NCR1: variants seen among roughly 807,000 people sequenced by gnomAD.
The protein encoded by NCR1 is natural cytotoxicity triggering receptor 1, also known as NK cell-activating receptor.
NCR1 carries 30 observed loss-of-function variants against 32.5 expected under a neutral mutation model. That is an observed-to-expected ratio of 0.92 (90% CI 0.69 to 1.25). The LOEUF is 1.25. Among genes scored for constraint, NCR1 ranks in the 50% most tolerant of loss-of-function variants. The pLI is 0.00. For missense variants in NCR1, 369 were observed against 380.7 expected, an observed-to-expected ratio of 0.97 and a Z score of 0.26; for synonymous variants, 169 against 143.4, an observed-to-expected ratio of 1.18 and a Z score of -1.28.
At chr19:54,930,370 G>A in the NCR1 span, 1 of 695,434 alleles carries the variant, frequency 1.4e-6, no homozygotes, top group East Asian at 2.7e-5. Flanking sequence ...GCTGAGGTGG[G>A]AGAACCGATC....
At chr19:54,904,531 C>CTTTTCTTTTTTTTTTTTTTTTTTT (rs1221694096), upstream of NCR1, among the ~76,000 whole-genome samples, 21 of 118,956 alleles carry the variant, frequency 1.8e-4, 1 homozygote, top group East Asian at 4.9e-4. Context: ...GTTTTCTTTT[C>CTTTTCTTTTTTTTTTTTTTTTTTT]TTTTTTTTTT....
the NCR1 span, among the ~76,000 whole-genome samples, chr19:54,929,242 G>A: frequency 5.3e-5 from 8 of 151,994 alleles, no homozygotes; most frequent in Non-Finnish European, 1.2e-4. Context: ...GGTGGTGCAC[G>A]CCTGTAATCC....
At chr19:54,922,382 CTG>C in the NCR1 span, among the ~76,000 whole-genome samples, 65 of 152,226 alleles carry the variant, frequency 4.3e-4, no homozygotes, top group African/African-American at 1.5e-3. Flanking sequence ...TGTGGAAAAG[CTG>C]TGTTTGCCAT....
the NCR1 span, among the ~76,000 whole-genome samples, chr19:54,922,584 C>T: frequency 6.6e-6 from 1 of 151,786 alleles, no homozygotes; most frequent in Non-Finnish European, 1.5e-5. Context: ...CCGAGAACAG[C>T]CTGGCCAACA....
chr19:54,908,604 C>T (rs1354810368), intron 3 of NCR1, among the ~76,000 whole-genome samples: 1 of 151,464 alleles, frequency 6.6e-6, no homozygotes, highest in Non-Finnish European at 1.5e-5. Context: ...GGGGCAGTGG[C>T]CGGGCGGGGG....
chr19:54,910,123 A>G (rs2146073192), intron 5 of NCR1, 58 bp downstream of exon 5: 1 of 1,520,060 alleles, frequency 6.6e-7, no homozygotes, highest in East Asian at 2.3e-5. Context: ...AGTGACACTA[A>G]AAACGTGGCA....
At chr19:54,926,205 GGTGTGTGTGTGTGT>G in the NCR1 span, among the ~76,000 whole-genome samples, 1 of 143,642 alleles carries the variant, frequency 7.0e-6, no homozygotes, top group Non-Finnish European at 1.5e-5. Flanking sequence ...AATGATTAGG[GGTGTGTGTGTGTGT>G]GTGTGTGTGC....
chr19:54,926,227 T>TGTGTGTGC, the NCR1 span, among the ~76,000 whole-genome samples: 151 of 150,822 alleles, frequency 1.0e-3, no homozygotes, highest in East Asian at 5.6e-3. Context: ...TGTGTGTGTG[T>TGTGTGTGC]GCTCATGCAC....
At chr19:54,931,030 C>A in the NCR1 span, among the ~76,000 whole-genome samples, 92,836 of 151,774 alleles carry the variant, frequency 0.61, 28,904 homozygotes, top group East Asian at 0.83. Context: ...CTCAAGAAAA[C>A]AACAACAACA....
At chr19:54,927,378 T>C in the NCR1 span, among the ~76,000 whole-genome samples, 1 of 104,214 alleles carries the variant, frequency 9.6e-6, no homozygotes, top group Non-Finnish European at 2.0e-5. Flanking sequence ...CAAAACTCCG[T>C]CTCAAAAAAA....
the NCR1 span, among the ~76,000 whole-genome samples, chr19:54,899,473 C>A: frequency 1.3e-5 from 2 of 151,464 alleles, no homozygotes; most frequent in Non-Finnish European, 2.9e-5. Context: ...TCCAGAAAAG[C>A]GGGAAAGGGG....
downstream of NCR1, among the ~76,000 whole-genome samples, chr19:54,919,778 CT>C (rs1446076590): frequency 1.4e-5 from 2 of 147,006 alleles, no homozygotes; most frequent in Non-Finnish European, 3.0e-5. Flanking sequence ...TAATTGACAC[CT>C]TTTGCTACCG....
At chr19:54,912,245 T>A in intron 6 of NCR1, 27 bp downstream of exon 6, 1 of 1,609,098 alleles carries the variant, frequency 6.2e-7, no homozygotes, top group Non-Finnish European at 8.5e-7. Flanking sequence ...GGCCATAGGC[T>A]CTGAAGGAAG....
chr19:54,909,880 A>G (rs1196968754), intron 4 of NCR1, 138 bp from the exon 5 acceptor site: 20 of 728,826 alleles, frequency 2.7e-5, no homozygotes, highest in South Asian at 1.5e-4. Flanking sequence ...GGTTGTAGTG[A>G]ACCGAGATCA....
At chr19:54,911,469 G>C (rs771256476) in intron 5 of NCR1, among the ~76,000 whole-genome samples, 1 of 151,856 alleles carries the variant, frequency 6.6e-6, no homozygotes, top group Non-Finnish European at 1.5e-5. Flanking sequence ...AATAGAAGAC[G>C]GGCTGGGCCG....
intron 6 of NCR1, 35 bp downstream of exon 6, chr19:54,912,253 A>C: frequency 1.2e-6 from 2 of 1,601,428 alleles, no homozygotes; most frequent in South Asian, 2.2e-5. Context: ...GCTCTGAAGG[A>C]AGGGGCTGGG....
chr19:54,909,299 G>A lies in NCR1; in HGVS notation c.410G>A (p.Gly137Glu). 6.2e-7 allele frequency: 1 copy of A among 1,614,120 alleles called. No homozygotes were observed. The highest frequency in any genetic ancestry group is 8.5e-7 in the Non-Finnish European group (1 of 1,180,010). The change falls in exon 4 of 7, where the codon GGA becomes GAA. Residue 137 changes from glycine (G) to glutamate (E), a missense_variant. Gly to Glu is a moderately conservative substitution (Grantham distance 98, BLOSUM62 -2). Transcript: ENST00000291890. ...SVHPGPEVIS[G>E]EKVTFYCRLD... Reference sequence around the variant, plus strand: ...CATCCTGGACCCGAAGTGATCTCGGGAGAGAAGGTGACCTTCTACTGCCGT... The same window carrying A: ...CATCCTGGACCCGAAGTGATCTCGGAAGAGAAGGTGACCTTCTACTGCCGT...
the NCR1 span, among the ~76,000 whole-genome samples, chr19:54,933,211 T>G: frequency 2.0e-5 from 3 of 152,272 alleles, no homozygotes; most frequent in African/African-American, 4.8e-5. Flanking sequence ...AGTGGTGCGA[T>G]CTCGGCTCAC....
intron 4 of NCR1, among the ~76,000 whole-genome samples, 183 bp from the exon 5 acceptor site, chr19:54,909,835 T>C (rs1222013548): frequency 2.0e-5 from 3 of 147,028 alleles, no homozygotes; most frequent in Non-Finnish European, 3.0e-5. Flanking sequence ...CTCAGGAGGC[T>C]GAGGCAGGAG....
Sources: allele counts gnomAD v4.1 joint callset (sites outside exome capture counted in the v4.1 genomes callset), GRCh38; gene constraint gnomAD v4.1.1; transcripts MANE v1.5; gene names NCBI Gene and HGNC (gene_info 2026-07-23, HGNC 2026-07-21).